LRP2: variants seen among roughly 807,000 people sequenced by gnomAD.
LRP2 encodes the protein low-density lipoprotein receptor-related protein 2.
LRP2 carries 172 observed loss-of-function variants against 531.0 expected under a neutral mutation model. The observed-to-expected ratio is 0.32, with a 90% confidence interval of 0.29 to 0.37. The LOEUF is 0.37. Among genes scored for constraint, LRP2 ranks in the 10% least tolerant of loss-of-function variants. The probability of loss-of-function intolerance (pLI) is 1.00; values close to 1 mark genes in which losing one functional copy is unlikely to be tolerated. For missense variants in LRP2, 5,167 were observed against 5,868.3 expected (o/e 0.88, Z 3.90); for synonymous variants, 1,992 against 2,027.6 (o/e 0.98, Z 0.47).
intron 19 of LRP2, among the ~76,000 whole-genome samples, chr2:169,248,056 C>A (rs555972443): frequency 6.6e-6 from 1 of 152,038 alleles, no homozygotes; most frequent in African/African-American, 2.4e-5. Context: ...ACAGGTCTAG[C>A]CCAAAAAAGG....
Position 169,139,352 on chromosome 2 carries a change from C to T in LRP2, c.13287G>A (p.Leu4429=). The T allele has an allele frequency of 6.2e-7, 1 of 1,614,106 alleles. No homozygotes were observed. The highest frequency in any genetic ancestry group is 8.5e-7 in the Non-Finnish European group (1 of 1,180,016). ...CAATTACGACGATCAAGAGGATTGT[C>T]AACAGCACAGCTACTGCGGCTATAG... ...SPGTTAVAVL[L]TILLIVVIGA... is the part of the protein sequence containing the mutation. Residue 4429 remains leucine (L), a synonymous_variant, in exon 74 of 79, where the codon TTG becomes TTA. Transcript: ENST00000649046.
At chr2:169,136,110 A>T (rs574056519) in intron 76 of LRP2, among the ~76,000 whole-genome samples, 69 of 152,106 alleles carry the variant, frequency 4.5e-4, no homozygotes, top group Non-Finnish European at 7.5e-4. Context: ...TATTCCATTT[A>T]CTTTTTCAAT....
intron 52 of LRP2, among the ~76,000 whole-genome samples, chr2:169,179,862 AT>A (rs1687363994): frequency 7.7e-6 from 1 of 129,186 alleles, no homozygotes; most frequent in Non-Finnish European, 1.8e-5. Context: ...GAACACAGGC[AT>A]TGCTACCTCT....
chr2:169,314,348 C>A (rs536591178), intron 3 of LRP2, among the ~76,000 whole-genome samples: 25 of 151,840 alleles, frequency 1.6e-4, no homozygotes, highest in South Asian at 6.2e-4. Context: ...AAAAACTTCT[C>A]TTTTTATGTA....
chr2:169,244,377 T>G (rs1311421120), intron 22 of LRP2, among the ~76,000 whole-genome samples: 1 of 152,212 alleles, frequency 6.6e-6, no homozygotes, highest in East Asian at 1.9e-4. Flanking sequence ...TTTAGTATTG[T>G]TTTAAATATA....
chr2:169,277,561 A>G (rs1359525784), intron 13 of LRP2, among the ~76,000 whole-genome samples, 184 bp downstream of exon 13: 2 of 152,196 alleles, frequency 1.3e-5, no homozygotes, highest in East Asian at 3.9e-4. Context: ...GTTATGGGAC[A>G]CAAGAAAAGT....
intron 6 of LRP2, 83 bp downstream of exon 6, chr2:169,294,065 G>T: frequency 2.2e-6 from 2 of 909,978 alleles, no homozygotes; most frequent in Non-Finnish European, 3.7e-6. Flanking sequence ...ATTGGTGGGG[G>T]AGCGGGGGGA....
chr2:169,154,880 G>C (rs955499310), intron 65 of LRP2, among the ~76,000 whole-genome samples: 3 of 152,178 alleles, frequency 2.0e-5, no homozygotes, highest in African/African-American at 7.2e-5. Context: ...AACAAAGCTA[G>C]ACTGAGAACC....
chr2:169,165,737 G>C (rs1305174533), intron 62 of LRP2, among the ~76,000 whole-genome samples, 195 bp downstream of exon 62: 1 of 152,256 alleles, frequency 6.6e-6, no homozygotes, highest in Non-Finnish European at 1.5e-5. Flanking sequence ...GCTCAAATGA[G>C]ACAGGAAGAA....
At chr2:169,202,651 T>C in intron 43 of LRP2, 105 bp downstream of exon 43, 2 of 1,180,926 alleles carry the variant, frequency 1.7e-6, no homozygotes, top group Non-Finnish European at 2.5e-6. Context: ...CCAGGATGCC[T>C]AGGCACACAT....
intron 1 of LRP2, among the ~76,000 whole-genome samples, chr2:169,357,214 C>A (rs1686011606): frequency 6.6e-6 from 1 of 151,248 alleles, no homozygotes; most frequent in African/African-American, 2.4e-5. Context: ...ACCTTGAGAA[C>A]CCCTTTCCTA....
chr2:169,231,501 A>G (rs1172219175), intron 31 of LRP2, among the ~76,000 whole-genome samples: 2 of 152,176 alleles, frequency 1.3e-5, no homozygotes, highest in Non-Finnish European at 2.9e-5. Flanking sequence ...GTTCAATTAC[A>G]TGCACAGATA....
chr2:169,300,676 C>G (rs1293081161), intron 4 of LRP2, among the ~76,000 whole-genome samples: 1 of 151,992 alleles, frequency 6.6e-6, no homozygotes, highest in Non-Finnish European at 1.5e-5. Context: ...TTTCCTTCCT[C>G]CAGGTTTCAG....
chr2:169,331,040 G>A (rs980450612), intron 1 of LRP2, among the ~76,000 whole-genome samples: 1 of 152,080 alleles, frequency 6.6e-6, no homozygotes, highest in Admixed American at 6.5e-5. Flanking sequence ...TTCCAGGAAG[G>A]CCTGTTTCAC....
At chr2:169,351,370 A>G (rs1022163660) in intron 1 of LRP2, among the ~76,000 whole-genome samples, 11 of 152,234 alleles carry the variant, frequency 7.2e-5, no homozygotes, top group South Asian at 4.1e-4. Context: ...AGTGATAGTT[A>G]GAAGGTAATG....
At chr2:169,187,070 T>A (rs761098508) in intron 49 of LRP2, among the ~76,000 whole-genome samples, 12 of 152,150 alleles carry the variant, frequency 7.9e-5, no homozygotes, top group Non-Finnish European at 1.6e-4. Flanking sequence ...TAAATTTTTT[T>A]CTTTTTTTTT....
At chr2:169,130,520 T>G (rs986007038) in intron 77 of LRP2, among the ~76,000 whole-genome samples, 4 of 152,172 alleles carry the variant, frequency 2.6e-5, no homozygotes, top group African/African-American at 9.7e-5. Context: ...ACTCCTGATG[T>G]CATGATCCAC....
At chr2:169,273,088 G>A (rs766201947) in intron 14 of LRP2, 21 bp from the exon 15 acceptor site, 5 of 1,613,096 alleles carry the variant, frequency 3.1e-6, no homozygotes, top group East Asian at 2.2e-5. Flanking sequence ...AAATGCACAG[G>A]GTTAAATTGC....
chr2:169,217,263 A>G (rs1234778288), intron 34 of LRP2, among the ~76,000 whole-genome samples: 5 of 152,064 alleles, frequency 3.3e-5, no homozygotes. Flanking sequence ...AAACCCCTTC[A>G]TTTAAATAGT....
Sources: gnomAD v4.1 joint callset for allele counts (sites outside exome capture counted in the v4.1 genomes callset) on GRCh38, gnomAD v4.1.1 for gene constraint, MANE v1.5 for transcripts, NCBI Gene and HGNC (gene_info 2026-07-23, HGNC 2026-07-21) for gene names.